RIMBP2: variants seen among roughly 807,000 people sequenced by gnomAD.
RIMBP2 encodes the protein RIMS binding protein 2.
A neutral mutation model predicts 118.6 loss-of-function variants in RIMBP2; 48 were observed. The ratio of observed to expected loss-of-function variants is 0.40; its 90% confidence interval spans 0.32 to 0.51. The LOEUF (loss-of-function observed/expected upper bound fraction) is 0.51. RIMBP2 is among the 20% of genes least tolerant of loss of function. The pLI, the probability that RIMBP2 is intolerant of heterozygous loss-of-function variation, is 0.41. For missense variants in RIMBP2, 1,551 were observed against 1,768.3 expected (o/e 0.88, Z 2.20); for synonymous variants, 762 against 742.9 (o/e 1.03, Z -0.42).
At chr12:130,517,018 A>G (rs1045839698) in intron 3 of RIMBP2, among the ~76,000 whole-genome samples, 1 of 152,160 alleles carries the variant, frequency 6.6e-6, no homozygotes, top group African/African-American at 2.4e-5. Flanking sequence ...CATGGTTTGA[A>G]TGCATCCCCC....
chr12:130,643,584 C>G (rs2062720713), intron 1 of RIMBP2, among the ~76,000 whole-genome samples: 3 of 151,980 alleles, frequency 2.0e-5, no homozygotes. Flanking sequence ...GGGACAGGTC[C>G]CCCACTTTAC....
chr12:130,515,801 G>T (rs1002301015), intron 3 of RIMBP2, among the ~76,000 whole-genome samples: 1 of 150,500 alleles, frequency 6.6e-6, no homozygotes, highest in Non-Finnish European at 1.5e-5. Context: ...AGGTTCAAGC[G>T]ATTCTCCTGC....
In RIMBP2 at chr12:130,437,435, G is replaced by A. The variant is rs1026406975; in HGVS notation, c.1657-144C>T. ...CCGACTCCAACCACCCGCCAGGTAT[G>A]GAAGCTCCAGGAAGTCTTGCGGGGA... On this transcript the variant is annotated intron_variant, in intron 12 of 22. Coordinates refer to ENST00000690449, the MANE Select transcript of RIMBP2 (RefSeq NM_001393629.1). 19 of 675,932 alleles carry A rather than the reference G, an allele frequency of 2.8e-5. No homozygotes were observed. The Middle Eastern group carries it at 1.8e-3, about 64-fold the overall frequency. 41.9% of individuals were successfully genotyped at this position (675,932 alleles called of 1,614,324 possible). A position where few individuals can be genotyped will look rare whatever the true frequency, so the allele number is the denominator to read the frequency against.
chr12:130,435,334 G>A (rs2014201), intron 13 of RIMBP2, among the ~76,000 whole-genome samples: 23,994 of 152,126 alleles, frequency 0.16, 2,271 homozygotes, highest in East Asian at 0.38. Flanking sequence ...ATGAGCCACC[G>A]CGTCCAGCCT....
rs571841064 is a variant in RIMBP2 at position 130,646,027 on chromosome 12, T to C, written c.-351-17571A>G. Among the ~76,000 whole-genome samples, 69 of 151,624 alleles carry C rather than the reference T, an allele frequency of 4.6e-4. 2 individuals are homozygous for C. Among genetic ancestry groups the C allele is most frequent in the Non-Finnish European group, 8.8e-4 (60 of 67,892 alleles). ...TTCACCCAAGCATTGAAATCTGTGG[T>C]GCGGCAGCCAGTTCCCTCTCCACCT... On this transcript the variant is annotated intron_variant, in intron 1 of 22. Transcript: ENST00000690449.
chr12:130,449,666 G>C (rs56373373), intron 9 of RIMBP2, among the ~76,000 whole-genome samples: 4,444 of 152,162 alleles, frequency 0.029, 94 homozygotes, highest in Non-Finnish European at 0.043. Context: ...GACCTTATTT[G>C]GAAACAGTCT....
At chr12:130,494,367 A>C (rs1392735214) in intron 4 of RIMBP2, among the ~76,000 whole-genome samples, 1 of 152,152 alleles carries the variant, frequency 6.6e-6, no homozygotes, top group Admixed American at 6.5e-5. Context: ...TGCAAAGCAC[A>C]GTGGCTCATA....
chr12:130,601,699 G>A (rs2140438488), intron 2 of RIMBP2, among the ~76,000 whole-genome samples: 1 of 152,328 alleles, frequency 6.6e-6, no homozygotes, highest in East Asian at 1.9e-4. Context: ...TAGGAAGAGA[G>A]TTATTGATCT....
rs1460203603 is a variant in RIMBP2, at chr12:130,621,306, T to C, written c.-217+7016A>G. The stretch of plus-strand genomic sequence containing the variant: ...CACAGCCCTGCTGGCTTTTTGGGCC[T>C]AACTGTAGATATGATAATACAATGT... On this transcript the variant is annotated intron_variant, in intron 2 of 22. Transcript: ENST00000690449. This position sits in a 1 kb window ranked among gnomAD's most constrained non-coding sequence, Gnocchi z 6.6. 6.6e-6 allele frequency among the ~76,000 whole-genome samples: 1 copy of C among 152,136 alleles called. No homozygotes were observed. The highest frequency in any genetic ancestry group is 2.4e-5 in the African/African-American group (1 of 41,444).
At chr12:130,714,805 G>A (rs1320956004) in intron 1 of RIMBP2, among the ~76,000 whole-genome samples, 1 of 152,192 alleles carries the variant, frequency 6.6e-6, no homozygotes, top group East Asian at 1.9e-4. Context: ...TTGGGATCAT[G>A]TCTCACAGGA....
At chr12:130,646,722 T>C (rs905572833) in intron 1 of RIMBP2, among the ~76,000 whole-genome samples, 4 of 152,270 alleles carry the variant, frequency 2.6e-5, no homozygotes, top group Non-Finnish European at 5.9e-5. Context: ...AAAAAATCGT[T>C]GATGTCATCT....
At chr12:130,429,832 T>G (rs2077045336) in intron 14 of RIMBP2, 1 of 152,164 alleles carries the variant, frequency 6.6e-6, no homozygotes, top group African/African-American at 2.4e-5. Flanking sequence ...GCCTCTCAGC[T>G]GCGCCAGCCC....
intron 22 of RIMBP2, chr12:130,399,177 T>TGAGCAAA: frequency 7.4e-7 from 1 of 1,352,198 alleles, no homozygotes; most frequent in Non-Finnish European, 9.6e-7. Context: ...TCCAAGCAGA[T>TGAGCAAA]GAGCAAAGAA....
chr12:130,437,950 C>A (rs763495861), intron 12 of RIMBP2, among the ~76,000 whole-genome samples: 16 of 152,168 alleles, frequency 1.1e-4, no homozygotes, highest in Admixed American at 2.6e-4. Flanking sequence ...AGGGATATAC[C>A]CATTTCTTGG....
intron 1 of RIMBP2, among the ~76,000 whole-genome samples, chr12:130,708,564 G>A (rs1949664431): frequency 6.6e-6 from 1 of 152,044 alleles, no homozygotes; most frequent in Non-Finnish European, 1.5e-5. Flanking sequence ...ACACGCGCCT[G>A]CAGTCCCAGA....
chr12:130,484,872 C>A (rs1323849350), intron 4 of RIMBP2, among the ~76,000 whole-genome samples: 16 of 152,268 alleles, frequency 1.1e-4, no homozygotes, highest in Admixed American at 1.0e-3. Flanking sequence ...GTTACTTAAC[C>A]TCTCTGTTCT....
At chr12:130,524,671 T>C (rs940491285) in intron 2 of RIMBP2, among the ~76,000 whole-genome samples, 10 of 152,292 alleles carry the variant, frequency 6.6e-5, no homozygotes, top group African/African-American at 2.4e-4. Context: ...GGAAATACTG[T>C]CCTGGGTGTT....
intron 1 of RIMBP2, among the ~76,000 whole-genome samples, chr12:130,653,844 C>T (rs1434730454): frequency 6.6e-6 from 1 of 152,214 alleles, no homozygotes; most frequent in East Asian, 1.9e-4. Flanking sequence ...CAAGCTACAC[C>T]CAGGGTCCTT....
In RIMBP2 at chr12:130,414,130, T is replaced by C. The variant is rs766110968; in HGVS notation, c.3415A>G (p.Ile1139Val). The C allele has an allele frequency of 1.9e-6, 3 of 1,614,184 alleles. No homozygotes were observed. The highest frequency in any genetic ancestry group is 2.5e-6 in the Non-Finnish European group (3 of 1,180,034). The change falls in exon 18 of 23, where the codon ATC (isoleucine) becomes GTC (valine). Residue 1139 changes from isoleucine (I) to valine (V), a missense_variant. Ile to Val is a conservative substitution (Grantham distance 29, BLOSUM62 3). Transcript: ENST00000690449. ...CGCAGGCAGCCATCCCGCACCTTGATGATCTGGCCTTCTTTAAAGGGAAGC... is the reference window on the plus strand; with the variant it reads ...CGCAGGCAGCCATCCCGCACCTTGACGATCTGGCCTTCTTTAAAGGGAAGC... ...EELPFKEGQI[I>V]KVYGDKDADG... is the part of the protein sequence containing the mutation.
Sources: allele counts gnomAD v4.1 joint callset (sites outside exome capture counted in the v4.1 genomes callset), GRCh38; gene constraint gnomAD v4.1.1; non-coding constraint Gnocchi (gnomAD v3.1); transcripts MANE v1.5; gene names NCBI Gene and HGNC (gene_info 2026-07-23, HGNC 2026-07-21).